Variants in DTNB observed in about 807,000 individuals in gnomAD.
DTNB encodes dystrobrevin beta.
Under a neutral mutation model 90.7 loss-of-function variants are expected in DTNB, and 63 were observed. The ratio of observed to expected loss-of-function variants is 0.69; its 90% CI spans 0.57 to 0.86. The LOEUF (loss-of-function observed/expected upper bound fraction) is 0.86. Ranked by LOEUF, DTNB falls within the 40% of genes least tolerant of loss-of-function variation. DTNB has a pLI of 0.00. For synonymous variants in DTNB, 277 were observed against 286.7 expected, an observed-to-expected ratio of 0.97 and a Z score of 0.34; for missense variants, 744 against 807.1, an observed-to-expected ratio of 0.92 and a Z score of 0.95.
At chr2:25,543,030 T>C (rs1002236275) in intron 8 of DTNB, among the ~76,000 whole-genome samples, 6 of 152,204 alleles carry the variant, frequency 3.9e-5, no homozygotes, top group Non-Finnish European at 8.8e-5. Context: ...TCTGTAGAAT[T>C]GTTAATTTTG....
rs72851426 is a variant in DTNB, at chr2:25,470,107, G to A, written c.1079+12689C>T. On this transcript the variant is annotated intron_variant, in intron 10 of 20. Coordinates refer to ENST00000406818, the MANE Select transcript of DTNB (RefSeq NM_021907.5). ...CCTCCACAATAAATGCACAAGGCCA[G>A]CTGATTCTAACAGTAAATTGTAAGA... Among the ~76,000 whole-genome samples the A allele has an allele frequency of 6.7e-3, 1,027 of 152,254 alleles. 11 individuals carry two copies. The highest frequency in any genetic ancestry group is 0.023 in the African/African-American group (966 of 41,528).
chr2:25,617,275 T>C (rs1197676014), intron 4 of DTNB, among the ~76,000 whole-genome samples: 1 of 152,124 alleles, frequency 6.6e-6, no homozygotes, highest in Non-Finnish European at 1.5e-5. Context: ...TAAGTTCAGG[T>C]AAAAGTAGAG....
chr2:25,531,414 G>A (rs995327011), intron 9 of DTNB, 59 bp downstream of exon 9: 2 of 1,562,902 alleles, frequency 1.3e-6, no homozygotes, highest in African/African-American at 2.8e-5. Context: ...TGATCCACAG[G>A]AATTTCACAA....
At chr2:25,595,541 T>A (rs1463158126) in intron 6 of DTNB, among the ~76,000 whole-genome samples, 2 of 152,204 alleles carry the variant, frequency 1.3e-5, no homozygotes, top group Non-Finnish European at 2.9e-5. Flanking sequence ...TTGTTAGGTG[T>A]AGACGGTTCT....
intron 9 of DTNB, among the ~76,000 whole-genome samples, chr2:25,522,362 C>T (rs1301808432): frequency 6.6e-6 from 1 of 151,960 alleles, no homozygotes; most frequent in East Asian, 1.9e-4. Context: ...AAACCAAAAC[C>T]AAAACAAAAC....
In DTNB at chr2:25,576,951, G is replaced by A. The variant is rs367550453; in HGVS notation, c.763C>T (p.Arg255Trp). 38 of 1,611,866 alleles carry A rather than the reference G, an allele frequency of 2.4e-5. No homozygotes were observed. The Admixed American group carries it at 3.2e-4, about 14-fold the overall frequency. Residue 255 changes from arginine (R) to tryptophan (W), a missense_variant, in exon 8 of 21, where the codon CGG becomes TGG. By Grantham distance (101) the Arg-to-Trp change is moderately radical (BLOSUM62 -3). Coordinates refer to ENST00000406818, the MANE Select transcript of DTNB (RefSeq NM_021907.5). ...TTGTGGCACTGCTGGCATCGGTACC[G>A]GAAACCCATCATACTCTCACATCGG... ...YCRCESMMGF[R>W]YRCQQCHNYQ...
chr2:25,426,690 T>C (rs2051752825), intron 15 of DTNB: 1 of 152,208 alleles, frequency 6.6e-6, no homozygotes, highest in Non-Finnish European at 1.5e-5. Flanking sequence ...GGCATTAACA[T>C]GAGACTCCTT....
At chr2:25,491,378 T>A (rs867226420) in intron 9 of DTNB, among the ~76,000 whole-genome samples, 20 of 152,302 alleles carry the variant, frequency 1.3e-4, no homozygotes, top group African/African-American at 4.8e-4. Flanking sequence ...TCTCCTCTAC[T>A]ACACTGTAAG....
At chr2:25,433,820 A>G (rs2054758991) in intron 13 of DTNB, 90 bp downstream of exon 13, 2 of 1,501,358 alleles carry the variant, frequency 1.3e-6, no homozygotes, top group East Asian at 4.6e-5. Flanking sequence ...TTGGCGGTCA[A>G]AAGCCACCTA....
chr2:25,502,880 TAAAAAAAAAAAAA>T (rs776792939), intron 9 of DTNB, among the ~76,000 whole-genome samples: 1 of 79,502 alleles, frequency 1.3e-5, no homozygotes, highest in Non-Finnish European at 2.4e-5. Flanking sequence ...AGCAACTGTC[TAAAAAAAAAAAAA>T]AAAAAAAAAA....
chr2:25,569,850 A>C (rs866580410), intron 8 of DTNB, among the ~76,000 whole-genome samples: 1 of 151,994 alleles, frequency 6.6e-6, no homozygotes, highest in Non-Finnish European at 1.5e-5. Flanking sequence ...TAATCCCAGC[A>C]CTTTGGAAGG....
At chr2:25,400,492 C>T (rs2043442399) in intron 16 of DTNB, among the ~76,000 whole-genome samples, 2 of 152,162 alleles carry the variant, frequency 1.3e-5, no homozygotes, top group African/African-American at 2.4e-5. Flanking sequence ...CAGTTGGCAC[C>T]CTGAGATTAC....
At chr2:25,526,395 A>ATT (rs1245672956) in intron 9 of DTNB, among the ~76,000 whole-genome samples, 683 of 49,818 alleles carry the variant, frequency 0.014, 10 homozygotes, top group Non-Finnish European at 0.019. Context: ...ATATATATAT[A>ATT]TTTTTTTTTT....
chr2:25,523,983 C>T (rs2076633385), intron 9 of DTNB, among the ~76,000 whole-genome samples: 1 of 150,758 alleles, frequency 6.6e-6, no homozygotes, highest in African/African-American at 2.4e-5. Context: ...CTCACCGCAA[C>T]CTCCACCTCC....
chr2:25,665,705 T>C (rs1389345812), intron 1 of DTNB, among the ~76,000 whole-genome samples: 1 of 151,854 alleles, frequency 6.6e-6, no homozygotes, highest in Non-Finnish European at 1.5e-5. Flanking sequence ...GAAAGAGAAC[T>C]TCCTTGCTTA....
At chr2:25,513,591 C>T (rs985550121) in intron 9 of DTNB, among the ~76,000 whole-genome samples, 3 of 151,834 alleles carry the variant, frequency 2.0e-5, no homozygotes, top group Admixed American at 1.3e-4. Context: ...GGCATGGCTG[C>T]GGGTGTCCGT....
chr2:25,423,022 T>C (rs1191166520), intron 15 of DTNB, among the ~76,000 whole-genome samples: 1 of 152,036 alleles, frequency 6.6e-6, no homozygotes, highest in East Asian at 1.9e-4. Flanking sequence ...GTGAAACCCG[T>C]CTACTAAAAA....
At chr2:25,610,868 C>A (rs899339383) in intron 4 of DTNB, among the ~76,000 whole-genome samples, 3 of 152,144 alleles carry the variant, frequency 2.0e-5, no homozygotes, top group Non-Finnish European at 2.9e-5. Flanking sequence ...CACCACCATG[C>A]CCAGATAATC....
intron 15 of DTNB, among the ~76,000 whole-genome samples, chr2:25,422,068 A>T (rs34666683): frequency 0.092 from 14,017 of 152,282 alleles, 779 homozygotes; most frequent in South Asian, 0.13. Flanking sequence ...AACAGGTCAG[A>T]TCCCAGGTCT....
Sources: allele counts gnomAD v4.1 joint callset (sites outside exome capture counted in the v4.1 genomes callset), GRCh38; gene constraint gnomAD v4.1.1; transcripts MANE v1.5; gene names NCBI Gene and HGNC (gene_info 2026-07-23, HGNC 2026-07-21).